Variants in RAB38 observed in about 807,000 individuals in gnomAD.
RAB38 encodes the protein RAB38, member RAS oncogene family, also known as ras-related protein Rab-38.
Under a neutral mutation model 18.4 loss-of-function variants are expected in RAB38, and 15 were observed. The observed-to-expected ratio is 0.82, with a 90% CI of 0.55 to 1.26. The LOEUF (loss-of-function observed/expected upper bound fraction) is 1.26. RAB38 is among the 50% of genes most tolerant of loss of function. The probability of loss-of-function intolerance (pLI) is 0.00; values close to 1 mark genes in which losing one functional copy is unlikely to be tolerated. For synonymous variants in RAB38, 101 were observed against 104.4 expected (o/e 0.97, Z 0.20); for missense variants, 294 against 267.4 (o/e 1.10, Z -0.69).
chr11:88,127,698 C>G (rs1340815892), intron 2 of RAB38, among the ~76,000 whole-genome samples: 2 of 152,088 alleles, frequency 1.3e-5, no homozygotes, highest in Non-Finnish European at 2.9e-5. Flanking sequence ...TGATATAATG[C>G]AAAGTTGGAA....
the RAB38 span, among the ~76,000 whole-genome samples, chr11:87,889,007 C>T: frequency 2.6e-5 from 4 of 151,908 alleles, no homozygotes; most frequent in Admixed American, 2.6e-4. Context: ...GCTCATGTGA[C>T]TCTAAAGGGA....
chr11:88,123,946 T>A (rs1463715432), intron 2 of RAB38, among the ~76,000 whole-genome samples: 1 of 152,142 alleles, frequency 6.6e-6, no homozygotes, highest in East Asian at 1.9e-4. Context: ...AACTAGAGAG[T>A]TAATTTTTTT....
chr11:88,086,295 A>G, the RAB38 span, among the ~76,000 whole-genome samples: 4 of 151,916 alleles, frequency 2.6e-5, no homozygotes, highest in South Asian at 2.1e-4. Flanking sequence ...TTAAATTACA[A>G]TGTTATATTT....
the RAB38 span, among the ~76,000 whole-genome samples, chr11:88,022,712 G>C: frequency 6.8e-6 from 1 of 146,482 alleles, no homozygotes; most frequent in Non-Finnish European, 1.5e-5. Context: ...TCCCTGCAAA[G>C]AACATGATAT....
the RAB38 span, among the ~76,000 whole-genome samples, chr11:87,809,726 T>C: frequency 6.6e-6 from 1 of 152,190 alleles, no homozygotes; most frequent in African/African-American, 2.4e-5. Flanking sequence ...AAATGGTTTA[T>C]TCACAAAGCT....
chr11:87,973,294 G>A, the RAB38 span, among the ~76,000 whole-genome samples: 1 of 151,878 alleles, frequency 6.6e-6, no homozygotes, highest in African/African-American at 2.4e-5. Context: ...AATTATCAGA[G>A]AAAAAAATAA....
the RAB38 span, among the ~76,000 whole-genome samples, chr11:87,936,717 C>G: frequency 0.01 from 1,558 of 152,152 alleles, 25 homozygotes; most frequent in African/African-American, 0.031. Flanking sequence ...CACAAAAAAT[C>G]TTGGTGGGAT....
chr11:88,140,520 T>C (rs916511750), intron 2 of RAB38, among the ~76,000 whole-genome samples: 2 of 152,196 alleles, frequency 1.3e-5, no homozygotes, highest in Admixed American at 1.3e-4. Flanking sequence ...CCAGGAGGAT[T>C]CACAATGCAG....
At chr11:87,975,061 T>C in the RAB38 span, among the ~76,000 whole-genome samples, 65 of 151,874 alleles carry the variant, frequency 4.3e-4, no homozygotes, top group Non-Finnish European at 8.1e-4. Flanking sequence ...CAGCAATCCT[T>C]GGCATTCCTT....
downstream of RAB38, among the ~76,000 whole-genome samples, chr11:88,112,179 A>G (rs1025826146): frequency 3.9e-5 from 6 of 152,308 alleles, no homozygotes; most frequent in South Asian, 6.2e-4. Flanking sequence ...ATTACTACTA[A>G]TATTTACTAG....
At chr11:88,062,789 G>A in the RAB38 span, among the ~76,000 whole-genome samples, 1 of 152,252 alleles carries the variant, frequency 6.6e-6, no homozygotes, top group East Asian at 1.9e-4. Context: ...GGTAGCATTT[G>A]CCTCAATTTT....
At chr11:87,935,190 A>G in the RAB38 span, among the ~76,000 whole-genome samples, 1 of 152,102 alleles carries the variant, frequency 6.6e-6, no homozygotes, top group South Asian at 2.1e-4. Flanking sequence ...ATCCTTTTAA[A>G]AAACGTCTCC....
At chr11:88,019,084 AT>A in the RAB38 span, among the ~76,000 whole-genome samples, 27 of 151,758 alleles carry the variant, frequency 1.8e-4, no homozygotes, top group African/African-American at 5.3e-4. Context: ...TGCAATTCAT[AT>A]TTTTTTTCCT....
the RAB38 span, among the ~76,000 whole-genome samples, chr11:87,844,324 C>T: frequency 6.6e-6 from 1 of 152,166 alleles, no homozygotes; most frequent in African/African-American, 2.4e-5. Context: ...CAAGTTGTTT[C>T]AGGCATGCCT....
the RAB38 span, among the ~76,000 whole-genome samples, chr11:87,941,226 T>G: frequency 2.0e-4 from 24 of 118,252 alleles, 1 homozygote; most frequent in African/African-American, 7.2e-4. Context: ...TATATATATA[T>G]ATATATATAT....
the RAB38 span, among the ~76,000 whole-genome samples, chr11:88,015,924 A>G: frequency 6.6e-6 from 1 of 152,166 alleles, no homozygotes; most frequent in Non-Finnish European, 1.5e-5. Context: ...CTTGTGCATC[A>G]GAGATAGAGA....
the RAB38 span, among the ~76,000 whole-genome samples, chr11:87,957,101 AT>A: frequency 6.6e-6 from 1 of 152,104 alleles, no homozygotes; most frequent in African/African-American, 2.4e-5. Context: ...ACTGTAAGTA[AT>A]AACTTACAGT....
the RAB38 span, among the ~76,000 whole-genome samples, chr11:87,856,606 C>T: frequency 3.3e-5 from 5 of 152,158 alleles, no homozygotes; most frequent in African/African-American, 9.7e-5. Context: ...CATTTCCCAT[C>T]AAACCTGAGA....
At chr11:88,082,998 A>G in the RAB38 span, among the ~76,000 whole-genome samples, 3 of 151,734 alleles carry the variant, frequency 2.0e-5, no homozygotes, top group Non-Finnish European at 4.4e-5. Context: ...CTCTAGTTTA[A>G]TCTCCTTTAG....
Sources: allele counts gnomAD v4.1 joint callset (sites outside exome capture counted in the v4.1 genomes callset), GRCh38; gene constraint gnomAD v4.1.1; transcripts MANE v1.5; gene names NCBI Gene and HGNC (gene_info 2026-07-23, HGNC 2026-07-21).